Variants in BCL2 observed in about 807,000 individuals in gnomAD.
BCL2 encodes the protein BCL2 apoptosis regulator.
In BCL2, 1 loss-of-function variant was observed where a neutral mutation model predicts 14.2. That is an observed-to-expected ratio of 0.07 (90% confidence interval 0.02 to 0.33). The LOEUF (loss-of-function observed/expected upper bound fraction) is 0.33, where lower values mean the gene tolerates loss of function less well. Ranked by LOEUF, BCL2 falls within the 10% of genes least tolerant of loss-of-function variation. The pLI is 0.99. For missense variants in BCL2, 247 were observed against 305.9 expected, an observed-to-expected ratio of 0.81 and a Z score of 1.44; for synonymous variants, 151 against 137.2, an observed-to-expected ratio of 1.10 and a Z score of -0.70.
Position 63,296,896 on chromosome 18 carries a change from G to C in BCL2, c.585+21186C>G, listed in dbSNP as rs953088276. ...TGTGCAATAAATGGTTAGCAGTCTAGACCAGTGCTGTCCAATAGAAATATA... is the reference window on the plus strand; with the variant it reads ...TGTGCAATAAATGGTTAGCAGTCTACACCAGTGCTGTCCAATAGAAATATA... On this transcript the variant is annotated intron_variant, in intron 2 of 2. Transcript: ENST00000333681. Among the ~76,000 whole-genome samples, 3 of 152,248 alleles carry C rather than the reference G, an allele frequency of 2.0e-5. No homozygotes were observed. In the South Asian group the frequency reaches 6.2e-4, roughly 31 times the overall value.
At chr18:63,176,282 T>C (rs1599226023) in intron 2 of BCL2, among the ~76,000 whole-genome samples, 2 of 152,248 alleles carry the variant, frequency 1.3e-5, no homozygotes, top group East Asian at 3.8e-4. Flanking sequence ...TCTCATCCTC[T>C]GGCCAGTCCT....
intron 2 of BCL2, among the ~76,000 whole-genome samples, chr18:63,310,584 G>A (rs536565213): frequency 6.6e-6 from 1 of 152,268 alleles, no homozygotes; most frequent in South Asian, 2.1e-4. Context: ...GAAGGCAAAA[G>A]TTATCTTAGA....
At chr18:63,131,045 C>T (rs1162523610) in intron 2 of BCL2, among the ~76,000 whole-genome samples, 2 of 152,098 alleles carry the variant, frequency 1.3e-5, no homozygotes, top group African/African-American at 2.4e-5. Context: ...CTACTGGTAT[C>T]TAGTGGGCAG....
chr18:63,224,721 A>G (rs754943893), intron 2 of BCL2, among the ~76,000 whole-genome samples: 19 of 152,180 alleles, frequency 1.2e-4, no homozygotes, highest in Non-Finnish European at 2.5e-4. Flanking sequence ...ACCACAACAG[A>G]GGGATGACGG....
intron 2 of BCL2, among the ~76,000 whole-genome samples, chr18:63,197,961 C>A (rs763180317): frequency 7.2e-5 from 11 of 152,098 alleles, no homozygotes; most frequent in Non-Finnish European, 1.3e-4. Flanking sequence ...TTGAAAATTT[C>A]TGTTTCTTAA....
chr18:63,150,329 C>T (rs1344466865), intron 2 of BCL2, among the ~76,000 whole-genome samples: 1 of 152,218 alleles, frequency 6.6e-6, no homozygotes, highest in Non-Finnish European at 1.5e-5. Flanking sequence ...TCAGCAACAC[C>T]CAGCTGAAGA....
intron 2 of BCL2, among the ~76,000 whole-genome samples, chr18:63,261,140 T>C (rs1911648001): frequency 6.6e-6 from 1 of 152,188 alleles, no homozygotes; most frequent in Non-Finnish European, 1.5e-5. Context: ...GATTTTCCCA[T>C]TTTAGTTTGC....
chr18:63,314,247 G>C (rs547005739), intron 2 of BCL2: 2 of 152,172 alleles, frequency 1.3e-5, no homozygotes, highest in African/African-American at 4.8e-5. Context: ...CTATCGTCTT[G>C]CTGCCAAAAT....
chr18:63,285,166 T>A, intron 2 of BCL2, among the ~76,000 whole-genome samples: 1 of 152,276 alleles, frequency 6.6e-6, no homozygotes, highest in Non-Finnish European at 1.5e-5. Flanking sequence ...GGGGCTGGAA[T>A]AAGGATTCTT....
chr18:63,256,508 T>C (rs1270166034), intron 2 of BCL2, among the ~76,000 whole-genome samples: 4 of 152,236 alleles, frequency 2.6e-5, no homozygotes, highest in Non-Finnish European at 5.9e-5. Flanking sequence ...TGAGCCACCA[T>C]GCCCGGCCAA....
At chr18:63,273,668 T>C (rs187189627) in intron 2 of BCL2, among the ~76,000 whole-genome samples, 22 of 152,322 alleles carry the variant, frequency 1.4e-4, no homozygotes, top group Admixed American at 1.1e-3. Context: ...CCTAGCGACT[T>C]TGAGGTTCCT....
chr18:63,300,466 C>CTGTGTGTG (rs371006514), intron 2 of BCL2, among the ~76,000 whole-genome samples: 20 of 148,038 alleles, frequency 1.4e-4, no homozygotes, highest in Non-Finnish European at 2.1e-4. Context: ...CTCTCTCTCT[C>CTGTGTGTG]TGTGTGTGTG....
chr18:63,216,500 A>T (rs1311975538), intron 2 of BCL2, among the ~76,000 whole-genome samples: 6 of 152,180 alleles, frequency 3.9e-5, no homozygotes, highest in Non-Finnish European at 8.8e-5. Context: ...GCAAAAACAC[A>T]TTCAACCAAA....
intron 2 of BCL2, among the ~76,000 whole-genome samples, chr18:63,275,576 A>G (rs1912129985): frequency 6.6e-6 from 1 of 152,240 alleles, no homozygotes; most frequent in Non-Finnish European, 1.5e-5. Context: ...AATGAGCTTC[A>G]TATTGTCGAA....
intron 2 of BCL2, among the ~76,000 whole-genome samples, chr18:63,150,005 C>T (rs1042755767): frequency 3.9e-5 from 6 of 152,078 alleles, no homozygotes; most frequent in Admixed American, 1.3e-4. Context: ...TCAGTCTTCC[C>T]GAATGGCTGG....
At chr18:63,135,625 T>C (rs1314135410) in intron 2 of BCL2, among the ~76,000 whole-genome samples, 1 of 152,106 alleles carries the variant, frequency 6.6e-6, no homozygotes, top group Non-Finnish European at 1.5e-5. Flanking sequence ...TTTCTGCCTG[T>C]CCTTCCCTGC....
rs1182463283 is a variant in BCL2, at chr18:63,241,506, A to C, written c.585+76576T>G. ...CTTGATATGATAAGATCTCAGAGTTACTGAGTGAAAGGTCTGGTGCTAGGT... is the reference window on the plus strand; with the variant it reads ...CTTGATATGATAAGATCTCAGAGTTCCTGAGTGAAAGGTCTGGTGCTAGGT... On this transcript the variant is annotated intron_variant, in intron 2 of 2. Transcript: ENST00000333681. Among the ~76,000 whole-genome samples the C allele has an allele frequency of 5.3e-5, 8 of 152,212 alleles. No individual in the cohort carries two copies. In the East Asian group the frequency reaches 1.5e-3, roughly 29 times the overall value.
At chr18:63,317,930 G>A in intron 2 of BCL2, 152 bp downstream of exon 2, 1 of 1,465,382 alleles carries the variant, frequency 6.8e-7, no homozygotes, top group Non-Finnish European at 9.0e-7. Flanking sequence ...GCTTTGTCCA[G>A]AGGAGGAGGT....
chr18:63,183,883 C>T (rs1261099614), intron 2 of BCL2, among the ~76,000 whole-genome samples: 2 of 152,194 alleles, frequency 1.3e-5, no homozygotes, highest in Non-Finnish European at 2.9e-5. Flanking sequence ...TAACCACACA[C>T]CTCTCTCACC....
Sources: gnomAD v4.1 joint callset for allele counts (sites outside exome capture counted in the v4.1 genomes callset) on GRCh38, gnomAD v4.1.1 for gene constraint, MANE v1.5 for transcripts, NCBI Gene and HGNC (gene_info 2026-07-23, HGNC 2026-07-21) for gene names.